Variants in DNMT3B observed in about 807,000 individuals in gnomAD.
DNMT3B encodes the protein DNA (cytosine-5)-methyltransferase 3B.
Under a neutral mutation model 120.2 loss-of-function variants are expected in DNMT3B, and 37 were observed. The ratio of observed to expected loss-of-function variants is 0.31; its 90% CI spans 0.24 to 0.40. The LOEUF (loss-of-function observed/expected upper bound fraction) is 0.40, where lower values mean the gene tolerates loss of function less well. Ranked by LOEUF, DNMT3B falls within the 10% of genes least tolerant of loss-of-function variation. The pLI is 1.00. For synonymous variants in DNMT3B, 412 were observed against 442.8 expected (o/e 0.93, Z 0.87); for missense variants, 878 against 1,137.3 (o/e 0.77, Z 3.28).
intron 1 of DNMT3B, among the ~76,000 whole-genome samples, chr20:32,763,145 G>A (rs1987076586): frequency 6.6e-6 from 1 of 152,192 alleles, no homozygotes; most frequent in Admixed American, 6.5e-5. Flanking sequence ...AAGTTAAGGG[G>A]CAGAGGAGGT....
intron 14 of DNMT3B, among the ~76,000 whole-genome samples, chr20:32,797,806 C>T (rs571430679): frequency 5.9e-5 from 9 of 152,128 alleles, no homozygotes; most frequent in Non-Finnish European, 8.8e-5. Flanking sequence ...ATTATAAGTG[C>T]GGAGCACCAC....
chr20:32,781,363 A>C lies in DNMT3B; in HGVS notation c.153A>C (p.Ser51=). The C allele has an allele frequency of 1.2e-6, 2 of 1,614,158 alleles. No individual in the cohort carries two copies. Among genetic ancestry groups the C allele is most frequent in the Non-Finnish European group, 1.7e-6 (2 of 1,180,018 alleles). ...CTGTTTCCTCTACAGGCCGAAGATCAAGCTCGCGACTCTCCAAGAGGGAGG... is the reference window on the plus strand; with the variant it reads ...CTGTTTCCTCTACAGGCCGAAGATCCAGCTCGCGACTCTCCAAGAGGGAGG... ...IRTPEIRGRR[S]SSRLSKREVS... The change falls in exon 3 of 23, where the codon TCA becomes TCC. Residue 51 remains serine, a synonymous_variant. Coordinates refer to ENST00000328111, the MANE Select transcript of DNMT3B (RefSeq NM_006892.4).
At chr20:32,794,961 T>C (rs775463879) in intron 10 of DNMT3B, among the ~76,000 whole-genome samples, 2 of 152,204 alleles carry the variant, frequency 1.3e-5, no homozygotes, top group African/African-American at 2.4e-5. Context: ...CAGACTCATA[T>C]GTCTAGGCTA....
In DNMT3B at chr20:32,808,133, A is replaced by C; in HGVS notation, c.*230A>C. ...ACCTGGCTGCTTGGAGCAGCCTAAC[A>C]CGGTGCTCATTTTTTCTTCTCCTAA... is the stretch of plus-strand genomic sequence containing the variant. On this transcript the variant is annotated 3_prime_UTR_variant, in exon 23 of 23. Coordinates refer to ENST00000328111, the MANE Select transcript of DNMT3B (RefSeq NM_006892.4). 1.6e-6 allele frequency: 1 copy of C among 627,292 alleles called. No individual in the cohort carries two copies. 38.9% of individuals were successfully genotyped at this position (627,292 alleles called of 1,614,324 possible). A position where few individuals can be genotyped will look rare whatever the true frequency, so the allele number is the denominator to read the frequency against.
chr20:32,778,022 T>G (rs143804675), intron 1 of DNMT3B, among the ~76,000 whole-genome samples: 1 of 152,296 alleles, frequency 6.6e-6, no homozygotes, highest in East Asian at 1.9e-4. Flanking sequence ...GCATGACTTG[T>G]GTGTGTTAAA....
intron 10 of DNMT3B, 113 bp from the exon 11 acceptor site, chr20:32,795,294 CCT>C: frequency 6.5e-7 from 1 of 1,531,266 alleles, no homozygotes; most frequent in Non-Finnish European, 9.0e-7. Context: ...GTGTGGACCC[CCT>C]GTCATGCCCC....
intron 22 of DNMT3B, 86 bp from the exon 23 acceptor site, chr20:32,807,676 C>T: frequency 1.3e-6 from 2 of 1,596,366 alleles, no homozygotes; most frequent in Non-Finnish European, 1.7e-6. Context: ...ATGGCGAGGG[C>T]AGAAAGAGTG....
intron 9 of DNMT3B, among the ~76,000 whole-genome samples, chr20:32,793,264 C>T (rs3787143): frequency 0.07 from 10,621 of 152,082 alleles, 389 homozygotes; most frequent in African/African-American, 0.095. Flanking sequence ...GAGGCTGAGG[C>T]GAGTGGATCA....
rs772383693 is a variant in DNMT3B, at chr20:32,788,975, G to C, written c.776G>C (p.Arg259Pro). 3 of 1,614,072 alleles carry C rather than the reference G, an allele frequency of 1.9e-6. No homozygotes were observed. Among genetic ancestry groups the C allele is most frequent in the Non-Finnish European group, 2.5e-6 (3 of 1,180,046 alleles). ...AAGCGACAGGCTATGTCTGGCATGC[G>C]GTGGGTCCAGTGGTTTGGCGATGGC... ...TSKRQAMSGM[R>P]WVQWFGDGKF... The change falls in exon 7 of 23, where the codon CGG (arginine) becomes CCG (proline). Residue 259 changes from arginine to proline, a missense_variant. Transcript: ENST00000328111.
At chr20:32,778,635 G>A (rs894927282) in intron 1 of DNMT3B, among the ~76,000 whole-genome samples, 5 of 152,220 alleles carry the variant, frequency 3.3e-5, no homozygotes, top group Admixed American at 6.5e-5. Context: ...AGCTCACGGT[G>A]CCCCCTGGTG....
chr20:32,774,201 A>G (rs145111062), intron 1 of DNMT3B, among the ~76,000 whole-genome samples: 1 of 149,884 alleles, frequency 6.7e-6, no homozygotes, highest in East Asian at 2.0e-4. Flanking sequence ...GCATTGTTTT[A>G]TGGTGTCTTT....
chr20:32,779,798 G>T (rs1255211506), intron 1 of DNMT3B: 1 of 521,708 alleles, frequency 1.9e-6, no homozygotes, highest in Admixed American at 3.2e-5. Context: ...GAGGAGAGAA[G>T]CGGTTCTGTG....
In DNMT3B at chr20:32,780,340, G is replaced by A. The variant is rs758218721; in HGVS notation, c.17G>A (p.Arg6Lys). The A allele has an allele frequency of 1.2e-6, 2 of 1,614,018 alleles. No individual in the cohort carries two copies. The highest frequency in any genetic ancestry group is 2.2e-5 in the South Asian group (2 of 91,076). The change falls in exon 2 of 23, where the codon AGG becomes AAG. Residue 6 changes from arginine to lysine, a missense_variant. Physicochemically the swap from Arg to Lys is conservative, Grantham distance 26. Transcript: ENST00000328111. The part of the protein sequence containing the change: MKGDT[R>K]HLNGEEDAGG... ...CAGGAAAGCATGAAGGGAGACACCAGGCATCTCAATGGAGAGGAGGACGCC... is the reference window on the plus strand; with the variant it reads ...CAGGAAAGCATGAAGGGAGACACCAAGCATCTCAATGGAGAGGAGGACGCC...
chr20:32,771,938 CTTCT>C (rs1987772751), intron 1 of DNMT3B, among the ~76,000 whole-genome samples: 1 of 152,178 alleles, frequency 6.6e-6, no homozygotes, highest in Non-Finnish European at 1.5e-5. Flanking sequence ...CCAAACCTTC[CTTCT>C]GAGTATGAAT....
chr20:32,797,298 C>G lies in DNMT3B; in HGVS notation c.1489C>G (p.Arg497Gly). ...LLLCSNTSCC[R>G]CFCVECLEVL... The stretch of plus-strand genomic sequence containing the variant: ...GCTTTGCAGCAACACGAGCTGCTGC[C>G]GGTGAGCACTGGGCCCTGTGGGGTG... The change falls in exon 14 of 23, where the codon CGG (arginine) becomes GGG (glycine). Residue 497 changes from arginine to glycine, a missense_variant and splice_region_variant. Around this residue, in one of 4 missense-constraint regions of DNMT3B, gnomAD observed 334 missense variants for 518.8 expected, o/e 0.64. Transcript: ENST00000328111. The G allele has an allele frequency of 1.2e-6, 2 of 1,613,994 alleles. No individual in the cohort carries two copies. The highest frequency in any genetic ancestry group is 1.7e-6 in the Non-Finnish European group (2 of 1,179,968).
chr20:32,797,086 A>G, intron 13 of DNMT3B, 101 bp from the exon 14 acceptor site: 1 of 1,605,200 alleles, frequency 6.2e-7, no homozygotes, highest in Non-Finnish European at 8.5e-7. Flanking sequence ...AGCCACCAGC[A>G]GTGTGTTCTG....
chr20:32,784,829 G>A lies in DNMT3B; in HGVS notation c.276G>A (p.Arg92=). The A allele has an allele frequency of 4.3e-6, 7 of 1,614,066 alleles. No individual in the cohort carries two copies. Among genetic ancestry groups the A allele is most frequent in the Non-Finnish European group, 5.9e-6 (7 of 1,180,004 alleles). ...SDTPVMPKLF[R]ETRTRSESPA... ...CCCCAGTCATGCCAAAGCTCTTCCG[G>A]GAAACCAGGACTCGTTCAGAAAGCC... The change falls in exon 4 of 23, where the codon CGG becomes CGA. Residue 92 remains arginine, a synonymous_variant. Coordinates refer to ENST00000328111, the MANE Select transcript of DNMT3B (RefSeq NM_006892.4).
At position 32,807,847 on chromosome 20, in the gene DNMT3B, G is replaced by A. The variant is rs866792483; in HGVS notation, c.2506G>A (p.Val836Met). 1.1e-5 allele frequency: 17 copies of A among 1,614,114 alleles called. No individual in the cohort carries two copies. The highest frequency in any genetic ancestry group is 2.2e-5 in the East Asian group (1 of 44,898). ...RQKLLGRSWS[V>M]PVIRHLFAPL... ...GAAGCTGCTGGGAAGGTCCTGGAGC[G>A]TGCCTGTCATCCGACACCTCTTCGC... The change falls in exon 23 of 23, where the codon GTG becomes ATG. Residue 836 changes from valine (V) to methionine (M), a missense_variant. Coordinates refer to ENST00000328111, the MANE Select transcript of DNMT3B (RefSeq NM_006892.4).
At chr20:32,766,047 G>C (rs1987348364) in intron 1 of DNMT3B, among the ~76,000 whole-genome samples, 1 of 152,102 alleles carries the variant, frequency 6.6e-6, no homozygotes, top group South Asian at 2.1e-4. Context: ...GTGAGCCACT[G>C]TGCCTGGCTA....
Sources: allele counts gnomAD v4.1 joint callset (sites outside exome capture counted in the v4.1 genomes callset), GRCh38; gene constraint gnomAD v4.1.1; regional missense constraint gnomAD v4.1.1; transcripts MANE v1.5; gene names NCBI Gene and HGNC (gene_info 2026-07-23, HGNC 2026-07-21).